Variants in CCDC43 observed in about 807,000 individuals in gnomAD.
CCDC43 encodes coiled-coil domain-containing protein 43.
Under a neutral mutation model 33.3 loss-of-function variants are expected in CCDC43, and 20 were observed. The observed-to-expected ratio is 0.60, with a 90% CI of 0.42 to 0.87. The LOEUF (loss-of-function observed/expected upper bound fraction) is 0.87. Among genes scored for constraint, CCDC43 ranks in the 40% least tolerant of loss-of-function variants. The probability of loss-of-function intolerance (pLI) is 0.00; values close to 1 mark genes in which losing one functional copy is unlikely to be tolerated. For missense variants in CCDC43, 248 were observed against 269.9 expected, an observed-to-expected ratio of 0.92 and a Z score of 0.57; for synonymous variants, 104 against 106.5, an observed-to-expected ratio of 0.98 and a Z score of 0.14.
chr17:44,685,952 T>C (rs1039754115), intron 1 of CCDC43, among the ~76,000 whole-genome samples: 15 of 152,016 alleles, frequency 9.9e-5, no homozygotes, highest in Admixed American at 4.6e-4. Flanking sequence ...CTCGCTCTGT[T>C]GCCCAGGCTG....
At chr17:44,686,650 A>T (rs1453281659) in intron 1 of CCDC43, among the ~76,000 whole-genome samples, 1 of 152,200 alleles carries the variant, frequency 6.6e-6, no homozygotes. Flanking sequence ...AGGCACTAAG[A>T]GGAAAGTTTA....
intron 2 of CCDC43, among the ~76,000 whole-genome samples, chr17:44,683,317 CAGGAGTT>C (rs1368850445): frequency 6.6e-6 from 1 of 152,036 alleles, no homozygotes; most frequent in African/African-American, 2.4e-5. Context: ...CACATGAGGT[CAGGAGTT>C]CGAGACCAGC....
intron 3 of CCDC43, among the ~76,000 whole-genome samples, chr17:44,681,024 T>C (rs931171476): frequency 5.9e-5 from 9 of 152,182 alleles, no homozygotes; most frequent in African/African-American, 2.2e-4. Context: ...CAGCAATCTG[T>C]GTTTTAACAA....
chr17:44,687,669 T>C (rs1335399393), intron 1 of CCDC43: 3 of 151,816 alleles, frequency 2.0e-5, no homozygotes, highest in Non-Finnish European at 4.4e-5. Flanking sequence ...CAAATAATGA[T>C]GGACTGATCA....
chr17:44,681,309 G>C (rs941509986), intron 3 of CCDC43, among the ~76,000 whole-genome samples: 2 of 152,072 alleles, frequency 1.3e-5, no homozygotes, highest in African/African-American at 4.8e-5. Context: ...GTGGTGGCAC[G>C]TGCCTATAGT....
Position 44,689,537 on chromosome 17 carries a change from C to T in CCDC43, c.204+13G>A, listed in dbSNP as rs1283499295. 3 of 1,613,776 alleles carry T rather than the reference C, an allele frequency of 1.9e-6. No individual in the cohort carries two copies. Among genetic ancestry groups the T allele is most frequent in the Non-Finnish European group, 2.5e-6 (3 of 1,179,836 alleles). Reference sequence around the variant, plus strand: ...CTGGCCAGAGGCTGAAGGAATGTGTCCAGGCTACTCACCAGGAAAGCAGAG... The same window carrying T: ...CTGGCCAGAGGCTGAAGGAATGTGTTCAGGCTACTCACCAGGAAAGCAGAG... On this transcript the variant is annotated intron_variant, in intron 1 of 4. Coordinates refer to ENST00000315286, the MANE Select transcript of CCDC43 (RefSeq NM_144609.3).
Position 44,684,464 on chromosome 17 carries a change from G to A in CCDC43, c.205-505C>T, listed in dbSNP as rs142997880. ...TGTAATCCCAGCACTTTGGGAGGCTGAGGAGGGCGGATCACTTGAAGCTGG... is the reference window on the plus strand; with the variant it reads ...TGTAATCCCAGCACTTTGGGAGGCTAAGGAGGGCGGATCACTTGAAGCTGG... On this transcript the variant is annotated intron_variant, in intron 1 of 4. Coordinates refer to ENST00000315286, the MANE Select transcript of CCDC43 (RefSeq NM_144609.3). Among the ~76,000 whole-genome samples, 880 of 152,180 alleles carry A rather than the reference G, an allele frequency of 5.8e-3. 8 individuals are homozygous for A. The highest frequency in any genetic ancestry group is 0.02 in the African/African-American group (841 of 41,526).
intron 1 of CCDC43, among the ~76,000 whole-genome samples, chr17:44,684,695 C>CAAAA (rs1157700935): frequency 5.6e-5 from 7 of 125,172 alleles, no homozygotes; most frequent in African/African-American, 1.2e-4. Flanking sequence ...GAAATTGTCT[C>CAAAA]AAAAAAAAAA....
rs1972289632 is a variant in CCDC43, at chr17:44,689,441, G to C, written c.204+109C>G. The C allele has an allele frequency of 1.2e-5, 18 of 1,482,644 alleles. No homozygotes were observed. In the South Asian group the frequency reaches 2.2e-4, roughly 18 times the overall value. The allele number at this position is 1,482,644 out of a possible 1,614,324, so 91.8% of individuals were successfully genotyped here. On this transcript the variant is annotated intron_variant, in intron 1 of 4. Transcript: ENST00000315286. Reference sequence around the variant, plus strand: ...TATCAGAGGAGTATACCTCTCCCAGGTGAGACCACTGAGCCTCTGGGATAC... The same window carrying C: ...TATCAGAGGAGTATACCTCTCCCAGCTGAGACCACTGAGCCTCTGGGATAC...
chr17:44,684,958 T>C (rs1001769246), intron 1 of CCDC43, among the ~76,000 whole-genome samples: 19 of 151,968 alleles, frequency 1.3e-4, no homozygotes, highest in Non-Finnish European at 2.4e-4. Flanking sequence ...TTGAGTTTGT[T>C]GTTTTTTTTA....
In CCDC43 at chr17:44,678,660, T is replaced by C. The variant is rs1972111572; in HGVS notation, c.*196A>G. The C allele has an allele frequency of 1.8e-6, 1 of 571,170 alleles. No homozygotes were observed. The highest frequency in any genetic ancestry group is 3.1e-6 in the Non-Finnish European group (1 of 325,506). 35.4% of individuals were successfully genotyped at this position (571,170 alleles called of 1,614,324 possible). ...AGATCTTTGGTACAGTCATCAACTA[T>C]AATAATCTGATTGCCCACCCCACCA... On this transcript the variant is annotated 3_prime_UTR_variant, in exon 5 of 5. Coordinates refer to ENST00000315286, the MANE Select transcript of CCDC43 (RefSeq NM_144609.3).
chr17:44,684,489 G>A (rs2144693425), intron 1 of CCDC43, among the ~76,000 whole-genome samples: 1 of 152,050 alleles, frequency 6.6e-6, no homozygotes, highest in Middle Eastern at 3.4e-3. Context: ...CTTGAAGCTG[G>A]GAGTTCAAGA....
intron 2 of CCDC43, 30 bp downstream of exon 2, chr17:44,683,842 G>T: frequency 6.7e-7 from 1 of 1,483,342 alleles, no homozygotes; most frequent in Non-Finnish European, 9.4e-7. Flanking sequence ...AAAAGGCTCA[G>T]GAAGTTAAAC....
At chr17:44,684,053 T>C in intron 1 of CCDC43, 94 bp from the exon 2 acceptor site, 1 of 777,680 alleles carries the variant, frequency 1.3e-6, no homozygotes, top group Non-Finnish European at 2.2e-6. Flanking sequence ...CAGCTCTCCA[T>C]GCTGTGAAAT....
rs1378485644 is a variant in CCDC43 at position 44,678,639 on chromosome 17, C to A, written c.*217G>T. The A allele has an allele frequency of 2.2e-6, 1 of 449,722 alleles. No homozygotes were observed. 27.9% of individuals were successfully genotyped at this position (449,722 alleles called of 1,614,324 possible). On this transcript the variant is annotated 3_prime_UTR_variant, in exon 5 of 5. Transcript: ENST00000315286. ...TATAAAGGTGGCCCCCATTCCAGAT[C>A]TTTGGTACAGTCATCAACTATAATA...
chr17:44,689,456 C>T lies in CCDC43; in HGVS notation c.204+94G>A. 1.9e-6 allele frequency: 3 copies of T among 1,544,222 alleles called. 1 individual carries two copies. In the South Asian group the frequency reaches 3.7e-5, roughly 19 times the overall value. The stretch of plus-strand genomic sequence containing the variant: ...CCTCTCCCAGGTGAGACCACTGAGC[C>T]TCTGGGATACCCGGTAGGGGAGGGA... On this transcript the variant is annotated intron_variant, in intron 1 of 4. Coordinates refer to ENST00000315286, the MANE Select transcript of CCDC43 (RefSeq NM_144609.3).
At position 44,678,938 on chromosome 17, in the gene CCDC43, T is replaced by G. The variant is rs1225158607; in HGVS notation, c.593A>C (p.Gln198Pro). 6.2e-7 allele frequency: 1 copy of G among 1,613,802 alleles called. No homozygotes were observed. The highest frequency in any genetic ancestry group is 1.3e-5 in the African/African-American group (1 of 74,894). ...SQRKKEQDKLQRERDKLAKQE... is the reference protein window; with the variant it reads ...SQRKKEQDKLPRERDKLAKQE... ...CTTGGCTAGTTTGTCTCTCTCCCTC[T>G]GCAGCTTGTCCTGTTCCTTCTTCCT... Residue 198 changes from glutamine to proline, a missense_variant, in exon 5 of 5, where the codon CAG becomes CCG. Gln to Pro is a moderately conservative substitution (Grantham distance 76). Coordinates refer to ENST00000315286, the MANE Select transcript of CCDC43 (RefSeq NM_144609.3).
rs1029690307 is a variant in CCDC43, at chr17:44,678,009, C to T, written c.*847G>A. On this transcript the variant is annotated 3_prime_UTR_variant, in exon 5 of 5. Transcript: ENST00000315286. ...TTGTTGAGCACCTACTATGTACACT[C>T]TTAAATATCTTGGTGTTAGCAGAAA... 1 of 152,602 alleles carries T rather than the reference C, an allele frequency of 6.6e-6. No homozygotes were observed. Among genetic ancestry groups the T allele is most frequent in the Non-Finnish European group, 1.5e-5 (1 of 68,042 alleles). The allele number at this position is 152,602 out of a possible 1,614,324, so 9.5% of individuals were successfully genotyped here. A position where few individuals can be genotyped will look rare whatever the true frequency, so the allele number is the denominator to read the frequency against.
Position 44,689,564 on chromosome 17 carries a change from G to A in CCDC43, c.190C>T (p.Leu64Phe), listed in dbSNP as rs1312084031. 1 of 1,614,000 alleles carries A rather than the reference G, an allele frequency of 6.2e-7. No individual in the cohort carries two copies. Among genetic ancestry groups the A allele is most frequent in the Non-Finnish European group, 8.5e-7 (1 of 1,179,886 alleles). ...AGGCTACTCACCAGGAAAGCAGAGAGGATCCCCTGCAGAGCGTCCAGCTTC... is the reference window on the plus strand; with the variant it reads ...AGGCTACTCACCAGGAAAGCAGAGAAGATCCCCTGCAGAGCGTCCAGCTTC... ...EEKLDALQGI[L>F]SAFLEEDSLL... Residue 64 changes from leucine (L) to phenylalanine (F), a missense_variant, in exon 1 of 5, where the codon CTC (leucine) becomes TTC (phenylalanine). Transcript: ENST00000315286.
Sources: allele counts gnomAD v4.1 joint callset (sites outside exome capture counted in the v4.1 genomes callset), GRCh38; gene constraint gnomAD v4.1.1; transcripts MANE v1.5; gene names NCBI Gene and HGNC (gene_info 2026-07-23, HGNC 2026-07-21).